Variants in TFEC observed in about 807,000 individuals in gnomAD.
The protein encoded by TFEC is class E basic helix-loop-helix protein 34.
TFEC carries 31 observed loss-of-function variants against 41.6 expected under a neutral mutation model. That is an observed-to-expected ratio of 0.74 (90% confidence interval 0.56 to 1.01). TFEC has a LOEUF of 1.01. Ranked by LOEUF, TFEC falls within the 50% of genes least tolerant of loss-of-function variation. TFEC has a pLI of 0.00. For synonymous variants in TFEC, 143 were observed against 140.6 expected (o/e 1.02, Z -0.12); for missense variants, 402 against 404.1 (o/e 0.99, Z 0.04).
intron 3 of TFEC, among the ~76,000 whole-genome samples, chr7:116,052,491 C>A (rs555624341): frequency 6.6e-6 from 1 of 152,090 alleles, no homozygotes; most frequent in African/African-American, 2.4e-5. Flanking sequence ...TGCAGTGGCG[C>A]AATCTCGGCT....
rs1225039416 is a variant in TFEC at position 116,150,696 on chromosome 7, T to C, written c.-69+9094A>G. Among the ~76,000 whole-genome samples the C allele has an allele frequency of 2.6e-5, 4 of 151,956 alleles. No homozygotes were observed. The East Asian group carries it at 7.7e-4, about 29-fold the overall frequency. On this transcript the variant is annotated intron_variant, in intron 1 of 8. Coordinates refer to the TFEC transcript ENST00000484212. ...TCACATTGTTTTCTTGCAGAGTGTATAGTTAGGGGAATGCTATTTTAATAT... is the reference window on the plus strand; with the variant it reads ...TCACATTGTTTTCTTGCAGAGTGTACAGTTAGGGGAATGCTATTTTAATAT...
intron 1 of TFEC, among the ~76,000 whole-genome samples, chr7:115,997,923 G>A (rs1794432377): frequency 6.6e-6 from 1 of 151,772 alleles, no homozygotes; most frequent in Admixed American, 6.6e-5. Context: ...AAAGGAAAAA[G>A]AATAAAAAAG....
intron 2 of TFEC, among the ~76,000 whole-genome samples, chr7:115,982,658 GA>G (rs1013162216): frequency 6.6e-6 from 1 of 152,138 alleles, no homozygotes; most frequent in African/African-American, 2.4e-5. Flanking sequence ...TAAAAAAATA[GA>G]AAAAAATTGT....
chr7:116,080,258 G>T (rs1797057088), intron 3 of TFEC, among the ~76,000 whole-genome samples: 1 of 151,992 alleles, frequency 6.6e-6, no homozygotes. Context: ...CTAGACATTG[G>T]CTTAGGCAAA....
At chr7:115,971,069 T>A (rs1330901364) in intron 3 of TFEC, among the ~76,000 whole-genome samples, 1 of 152,078 alleles carries the variant, frequency 6.6e-6, no homozygotes, top group African/African-American at 2.4e-5. Context: ...TAATTTAGCC[T>A]GACTAGAATC....
Position 116,051,704 on chromosome 7 carries a change from G to A in TFEC, c.198+59004C>T, listed in dbSNP as rs544689102. Among the ~76,000 whole-genome samples, 90 of 152,240 alleles carry A rather than the reference G, an allele frequency of 5.9e-4. 1 individual carries two copies. Among genetic ancestry groups the A allele is most frequent in the Admixed American group, 5.8e-3 (89 of 15,296 alleles). ...CATAATCTAGATCTATTTCATGGAG[G>A]AGGAGGAAAGAGTAGTATCAATAAT... On this transcript the variant is annotated intron_variant, in intron 3 of 8. Transcript: ENST00000484212.
intron 6 of TFEC, 28 bp from the exon 7 acceptor site, chr7:115,942,068 C>T: frequency 6.3e-7 from 1 of 1,586,524 alleles, no homozygotes; most frequent in Non-Finnish European, 8.6e-7. Context: ...AACCTTTTCA[C>T]AATTGTGCAT....
At chr7:115,962,154 T>C (rs1228145691) in intron 3 of TFEC, among the ~76,000 whole-genome samples, 1 of 151,742 alleles carries the variant, frequency 6.6e-6, no homozygotes, top group Non-Finnish European at 1.5e-5. Flanking sequence ...GAAAGGCTTA[T>C]ACACTGAAAA....
chr7:116,072,568 T>C (rs1459390808), intron 3 of TFEC, among the ~76,000 whole-genome samples: 1 of 151,656 alleles, frequency 6.6e-6, no homozygotes, highest in African/African-American at 2.4e-5. Context: ...AACATACTTT[T>C]GTGGCTGGGA....
At chr7:115,966,674 T>C (rs553927762) in intron 3 of TFEC, among the ~76,000 whole-genome samples, 13 of 151,934 alleles carry the variant, frequency 8.6e-5, no homozygotes, top group South Asian at 8.3e-4. Context: ...ATCTACCCTA[T>C]AGGTAGAAGG....
At chr7:116,060,558 G>A (rs1291238487) in intron 3 of TFEC, among the ~76,000 whole-genome samples, 1 of 152,120 alleles carries the variant, frequency 6.6e-6, no homozygotes, top group Non-Finnish European at 1.5e-5. Flanking sequence ...CATGTCTTTT[G>A]TGGAAACACG....
At position 116,065,648 on chromosome 7, in the gene TFEC, G is replaced by A. The variant is rs150151123; in HGVS notation, c.198+45060C>T. ...AATACTTGTGTATGGAGTTGCTTCT[G>A]AGACAGGGAAAATGAAGGGAGGGGA... On this transcript the variant is annotated intron_variant, in intron 3 of 8. Transcript: ENST00000484212. Among the ~76,000 whole-genome samples, 615 of 152,198 alleles carry A rather than the reference G, an allele frequency of 4.0e-3. 5 individuals are homozygous for A. Among genetic ancestry groups the A allele is most frequent in the African/African-American group, 0.014 (583 of 41,540 alleles).
intron 2 of TFEC, among the ~76,000 whole-genome samples, chr7:115,974,726 T>C (rs1421655812): frequency 1.3e-5 from 2 of 151,772 alleles, no homozygotes; most frequent in Non-Finnish European, 2.9e-5. Flanking sequence ...TGTGGATATC[T>C]AAATATTCAT....
intron 1 of TFEC, among the ~76,000 whole-genome samples, chr7:116,133,919 T>C (rs923488270): frequency 1.6e-4 from 24 of 152,136 alleles, no homozygotes; most frequent in Non-Finnish European, 2.4e-4. Context: ...GCAGTAATAA[T>C]GCAAAACAAT....
At chr7:115,958,995 GA>G (rs764276450) in intron 3 of TFEC, among the ~76,000 whole-genome samples, 1 of 151,766 alleles carries the variant, frequency 6.6e-6, no homozygotes, top group Non-Finnish European at 1.5e-5. Context: ...AGTTTACAAA[GA>G]AAACTTCTAT....
In TFEC at chr7:115,940,862, C is replaced by G; in HGVS notation, c.733G>C (p.Ala245Pro). 1.2e-6 allele frequency: 2 copies of G among 1,613,054 alleles called. No individual in the cohort carries two copies. Among genetic ancestry groups the G allele is most frequent in the Non-Finnish European group, 1.7e-6 (2 of 1,179,358 alleles). Residue 245 changes from alanine to proline, a missense_variant, in exon 8 of 8, where the codon GCT (alanine) becomes CCT (proline). Transcript: ENST00000265440. The stretch of plus-strand genomic sequence containing the variant: ...TGGCTCTGCTGTTTGGTGACATGAG[C>G]ACCTAAATCAACCGTGCCAAGTGAA... ...LASLGTVDLG[A>P]HVTKQQSHPE...
chr7:115,956,762 C>T lies in TFEC; in HGVS notation c.299G>A (p.Gly100Asp). The change falls in exon 4 of 8, where the codon GGT (glycine) becomes GAT (aspartate). Residue 100 changes from glycine to aspartate, a missense_variant. Gly to Asp is a moderately conservative substitution (Grantham distance 94). Transcript: ENST00000265440. ...GTTAATTGGTGAAATTCCTTGTTCACCGCTATACACATCCAAAATACTTCC... is the reference window on the plus strand; with the variant it reads ...GTTAATTGGTGAAATTCCTTGTTCATCGCTATACACATCCAAAATACTTCC... The part of the protein sequence containing the change: ...LSGSILDVYS[G>D]EQGISPINMG... 1 of 1,596,424 alleles carries T rather than the reference C, an allele frequency of 6.3e-7. No individual in the cohort carries two copies. Among genetic ancestry groups the T allele is most frequent in the Non-Finnish European group, 8.5e-7 (1 of 1,171,222 alleles).
chr7:116,018,418 G>A (rs1795273338), intron 1 of TFEC, among the ~76,000 whole-genome samples: 1 of 152,160 alleles, frequency 6.6e-6, no homozygotes, highest in Non-Finnish European at 1.5e-5. Flanking sequence ...TTTATAAATG[G>A]AGAAGCTTTA....
chr7:116,123,234 A>T (rs1305513918), intron 1 of TFEC, among the ~76,000 whole-genome samples: 2 of 152,076 alleles, frequency 1.3e-5, no homozygotes, highest in East Asian at 3.9e-4. Context: ...TGAAATTCAA[A>T]AATATTGGGG....
Sources: allele counts gnomAD v4.1 joint callset (sites outside exome capture counted in the v4.1 genomes callset), GRCh38; gene constraint gnomAD v4.1.1; transcripts MANE v1.5; gene names NCBI Gene and HGNC (gene_info 2026-07-23, HGNC 2026-07-21).